The following FSD1L variants were observed in gnomAD, a reference collection of about 807,000 sequenced individuals.
The protein encoded by FSD1L is FSD1-like protein.
In FSD1L, 45 loss-of-function variants were observed where a neutral mutation model predicts 71.6. That is an observed-to-expected ratio of 0.63 (90% CI 0.49 to 0.81). The LOEUF (loss-of-function observed/expected upper bound fraction) is 0.81, where lower values mean the gene tolerates loss of function less well. FSD1L is among the 30% of genes least tolerant of loss of function. The probability of loss-of-function intolerance (pLI) is 0.00; values close to 1 mark genes in which losing one functional copy is unlikely to be tolerated. For synonymous variants in FSD1L, 197 were observed against 207.2 expected, an observed-to-expected ratio of 0.95 and a Z score of 0.42; for missense variants, 561 against 618.1, an observed-to-expected ratio of 0.91 and a Z score of 0.98.
intron 4 of FSD1L, among the ~76,000 whole-genome samples, chr9:105,470,914 C>T (rs1390428937): frequency 6.6e-6 from 1 of 152,200 alleles, no homozygotes; most frequent in Non-Finnish European, 1.5e-5. Flanking sequence ...CAACTGAAAA[C>T]TCATCCTGTG....
intron 5 of FSD1L, among the ~76,000 whole-genome samples, chr9:105,477,317 T>A (rs1272141481): frequency 6.6e-6 from 1 of 152,174 alleles, no homozygotes; most frequent in Non-Finnish European, 1.5e-5. Flanking sequence ...AAAAGCATAT[T>A]GGAAAAGATG....
At position 105,551,011 on chromosome 9, in the gene FSD1L, T is replaced by G. The variant is rs572380784; in HGVS notation, c.*4528T>G. 2 of 152,228 alleles carry G rather than the reference T, an allele frequency of 1.3e-5. No homozygotes were observed. The highest frequency in any genetic ancestry group is 3.9e-4 in the East Asian group (2 of 5,184). The allele number at this position is 152,228 out of a possible 1,614,324, so 9.4% of individuals were successfully genotyped here. A position where few individuals can be genotyped will look rare whatever the true frequency, so the allele number is the denominator to read the frequency against. ...GGCTTGGAGCTTATTAAGTTTTGAC[T>G]ACGGTTAAAATAAGTCAAATAGTAA... is the stretch of plus-strand genomic sequence containing the variant. On this transcript the variant is annotated 3_prime_UTR_variant, in exon 14 of 14. Transcript: ENST00000481272.
intron 7 of FSD1L, among the ~76,000 whole-genome samples, chr9:105,498,266 T>C (rs1833547369): frequency 6.6e-6 from 1 of 151,366 alleles, no homozygotes; most frequent in Admixed American, 6.6e-5. Context: ...TTACTTGTTT[T>C]AGATCTTCTT....
chr9:105,501,245 A>T (rs1442192990), intron 7 of FSD1L, among the ~76,000 whole-genome samples: 1 of 151,920 alleles, frequency 6.6e-6, no homozygotes, highest in Non-Finnish European at 1.5e-5. Context: ...TTTTGCTATC[A>T]TAGGATCCCT....
At chr9:105,513,817 A>C (rs1019362327) in intron 10 of FSD1L, among the ~76,000 whole-genome samples, 4 of 152,212 alleles carry the variant, frequency 2.6e-5, no homozygotes, top group African/African-American at 9.6e-5. Flanking sequence ...AGTGTGCTGC[A>C]TATTATTTGG....
At chr9:105,464,015 A>C (rs1158910292) in intron 2 of FSD1L, among the ~76,000 whole-genome samples, 1 of 152,196 alleles carries the variant, frequency 6.6e-6, no homozygotes, top group African/African-American at 2.4e-5. Flanking sequence ...CATGGTGATT[A>C]AGTTGCATAT....
At chr9:105,496,869 C>T (rs1238027375) in intron 7 of FSD1L, among the ~76,000 whole-genome samples, 13 of 152,136 alleles carry the variant, frequency 8.5e-5, no homozygotes, top group Admixed American at 6.5e-4. Flanking sequence ...CTTGTATTGT[C>T]GTACTGCATT....
At chr9:105,524,222 T>C in intron 10 of FSD1L, 5 of 1,612,300 alleles carry the variant, frequency 3.1e-6, no homozygotes, top group Non-Finnish European at 4.2e-6. Context: ...TGATTTGTGT[T>C]TCCTTAAAGT....
intron 10 of FSD1L, chr9:105,524,919 A>C: frequency 1.2e-6 from 2 of 1,613,510 alleles, no homozygotes; most frequent in Non-Finnish European, 1.7e-6. Flanking sequence ...TGAGAGTCCA[A>C]ATATCCAGTT....
chr9:105,478,533 GA>G (rs1272966884), intron 5 of FSD1L, among the ~76,000 whole-genome samples: 1 of 152,080 alleles, frequency 6.6e-6, no homozygotes, highest in Admixed American at 6.6e-5. Flanking sequence ...TTACTGTGGA[GA>G]AAAAAACTTT....
At chr9:105,457,295 G>A (rs958969265) in intron 1 of FSD1L, among the ~76,000 whole-genome samples, 1 of 152,172 alleles carries the variant, frequency 6.6e-6, no homozygotes, top group Admixed American at 6.5e-5. Context: ...GGAAGTCTGG[G>A]GAGATGAAGC....
intron 5 of FSD1L, among the ~76,000 whole-genome samples, chr9:105,474,768 C>T (rs926704714): frequency 3.3e-5 from 5 of 152,184 alleles, no homozygotes; most frequent in African/African-American, 9.6e-5. Context: ...ACTTCATTAT[C>T]TTCAAAAAGA....
chr9:105,539,291 TA>T lies in FSD1L; in HGVS notation c.1410del (p.Lys470AsnfsTer28). ...AACTTTCATTCTATGATGCAAATTC[TA>T]AACAGTTGCTATATTCCTTTAAGAC... The part of the protein sequence containing the change: ...GQLSFYDANS[K>X]QLLYSFKTKF... On this transcript the variant is annotated frameshift_variant, in exon 13 of 14. Transcript: ENST00000481272. LOFTEE classifies it high-confidence loss of function. 1 of 1,502,494 alleles carries T rather than the reference TA, an allele frequency of 6.7e-7. No individual in the cohort carries two copies. The highest frequency in any genetic ancestry group is 9.0e-7 in the Non-Finnish European group (1 of 1,116,754). The allele number at this position is 1,502,494 out of a possible 1,614,324, so 93.1% of individuals were successfully genotyped here. A position where few individuals can be genotyped will look rare whatever the true frequency, so the allele number is the denominator to read the frequency against.
At chr9:105,490,975 A>T (rs1385805262) in intron 7 of FSD1L, among the ~76,000 whole-genome samples, 4 of 149,776 alleles carry the variant, frequency 2.7e-5, no homozygotes, top group African/African-American at 9.9e-5. Context: ...CTTAGGATTG[A>T]CTTGGCGATG....
At chr9:105,498,519 A>G (rs1175932383) in intron 7 of FSD1L, among the ~76,000 whole-genome samples, 2 of 152,168 alleles carry the variant, frequency 1.3e-5, no homozygotes, top group African/African-American at 4.8e-5. Flanking sequence ...ATCTAAACAT[A>G]TCTAAACTTA....
intron 10 of FSD1L, among the ~76,000 whole-genome samples, chr9:105,532,581 T>C (rs1835964228): frequency 1.3e-5 from 2 of 152,230 alleles, no homozygotes; most frequent in East Asian, 1.9e-4. Context: ...CCTCACGTTC[T>C]GTTTTGCTGT....
rs955414625 is a variant in FSD1L at position 105,522,554 on chromosome 9, T to C, written c.1025+9618T>C. On this transcript the variant is annotated intron_variant, in intron 10 of 13. Transcript: ENST00000481272. ...ATGCTCAAATACTTCCCCGCTCAACTAGAGTCAGACATTTTTCACAAAGTG... is the reference window on the plus strand; with the variant it reads ...ATGCTCAAATACTTCCCCGCTCAACCAGAGTCAGACATTTTTCACAAAGTG... 4 of 1,613,630 alleles carry C rather than the reference T, an allele frequency of 2.5e-6. No homozygotes were observed. The Admixed American group carries it at 6.7e-5, about 27-fold the overall frequency.
intron 5 of FSD1L, among the ~76,000 whole-genome samples, chr9:105,476,069 G>GA (rs1370161394): frequency 6.6e-6 from 1 of 152,072 alleles, no homozygotes; most frequent in Non-Finnish European, 1.5e-5. Context: ...ATTCACAGAA[G>GA]AAAATAGTTT....
chr9:105,532,837 C>A (rs1554716197), intron 10 of FSD1L, among the ~76,000 whole-genome samples: 1 of 152,172 alleles, frequency 6.6e-6, no homozygotes. Flanking sequence ...TAATATTATA[C>A]ACTAAAAAGG....
Sources: allele counts gnomAD v4.1 joint callset (sites outside exome capture counted in the v4.1 genomes callset), GRCh38; gene constraint gnomAD v4.1.1; transcripts MANE v1.5; gene names NCBI Gene and HGNC (gene_info 2026-07-23, HGNC 2026-07-21).